The following COL4A2 variants were observed in gnomAD, a reference collection of about 807,000 sequenced individuals.
The protein encoded by COL4A2 is collagen alpha-2(IV) chain.
COL4A2 carries 99 observed loss-of-function variants against 200.2 expected under a neutral mutation model. That is an observed-to-expected ratio of 0.49 (90% CI 0.42 to 0.58). The LOEUF (loss-of-function observed/expected upper bound fraction) is 0.58. Among genes scored for constraint, COL4A2 ranks in the 20% least tolerant of loss-of-function variants. COL4A2 has a pLI of 0.00. For synonymous variants in COL4A2, 897 were observed against 900.6 expected, an observed-to-expected ratio of 1.00 and a Z score of 0.07; for missense variants, 1,950 against 2,314.1, an observed-to-expected ratio of 0.84 and a Z score of 3.23.
chr13:110,436,447 C>T, intron 13 of COL4A2, 80 bp downstream of exon 13: 2 of 1,509,428 alleles, frequency 1.3e-6, no homozygotes, highest in Non-Finnish European at 1.8e-6. Context: ...TGTATTCAAC[C>T]ACATTCCAAG....
chr13:110,358,547 T>C (rs770015652), intron 4 of COL4A2, among the ~76,000 whole-genome samples: 1 of 152,260 alleles, frequency 6.6e-6, no homozygotes, highest in Non-Finnish European at 1.5e-5. Context: ...ATACACTGCA[T>C]GTAACTGCAT....
chr13:110,436,018 C>T, intron 12 of COL4A2: 3 of 583,748 alleles, frequency 5.1e-6, no homozygotes, highest in Non-Finnish European at 6.2e-6. Context: ...GAAACAAATG[C>T]AGTCCAGAAT....
Position 110,480,396 on chromosome 13 carries a change from T to G in COL4A2, c.2758+6T>G. The G allele has an allele frequency of 6.2e-7, 1 of 1,607,034 alleles. No individual in the cohort carries two copies. Among genetic ancestry groups the G allele is most frequent in the Middle Eastern group, 1.7e-4 (1 of 6,018 alleles). On this transcript the variant is annotated splice_donor_region_variant and intron_variant, in intron 31 of 47. Coordinates refer to ENST00000360467, the MANE Select transcript of COL4A2 (RefSeq NM_001846.4). ...TGGGACCCCCGGGCTAAAAGGTAAT[T>G]GTGTGACTGTGACCAGGGATCCCTT...
intron 4 of COL4A2, among the ~76,000 whole-genome samples, chr13:110,359,009 T>A (rs186558422): frequency 6.6e-6 from 1 of 152,320 alleles, no homozygotes; most frequent in Non-Finnish European, 1.5e-5. Flanking sequence ...AGAAATGTCA[T>A]AAAAATATTC....
chr13:110,432,164 C>G (rs1248431933), intron 10 of COL4A2, among the ~76,000 whole-genome samples, 161 bp from the exon 11 acceptor site: 1 of 152,226 alleles, frequency 6.6e-6, no homozygotes, highest in Non-Finnish European at 1.5e-5. Context: ...CCCTCTCCCC[C>G]AGCATGTCAT....
chr13:110,493,872 G>A (rs563929161), intron 39 of COL4A2, among the ~76,000 whole-genome samples: 4 of 152,238 alleles, frequency 2.6e-5, no homozygotes, highest in South Asian at 4.1e-4. Context: ...GAGAGCACCC[G>A]CTCTCCCCTG....
chr13:110,454,384 C>T (rs912387091), intron 20 of COL4A2, among the ~76,000 whole-genome samples: 2 of 152,156 alleles, frequency 1.3e-5, no homozygotes, highest in African/African-American at 2.4e-5. Flanking sequence ...TTGTAAGGAG[C>T]GCCCACAATC....
chr13:110,495,258 C>T, intron 39 of COL4A2, 84 bp from the exon 40 acceptor site: 1 of 1,534,286 alleles, frequency 6.5e-7, no homozygotes, highest in South Asian at 1.1e-5. Flanking sequence ...GCTTTTGAGG[C>T]ACCCCAAGCT....
At chr13:110,420,768 A>T (rs1036519926) in intron 4 of COL4A2, among the ~76,000 whole-genome samples, 5 of 152,178 alleles carry the variant, frequency 3.3e-5, no homozygotes, top group Admixed American at 1.3e-4. Context: ...TAGATGCACC[A>T]CACTTCCTTA....
chr13:110,393,766 C>T (rs1842241652), intron 4 of COL4A2, among the ~76,000 whole-genome samples: 1 of 152,056 alleles, frequency 6.6e-6, no homozygotes, highest in Admixed American at 6.5e-5. Flanking sequence ...ATAATCCCGG[C>T]TACTCAGGAG....
chr13:110,434,031 A>G (rs1487448159), intron 11 of COL4A2, among the ~76,000 whole-genome samples: 1 of 152,214 alleles, frequency 6.6e-6, no homozygotes, highest in Non-Finnish European at 1.5e-5. Context: ...GCCAGAAGAA[A>G]AGACGAATCA....
chr13:110,501,915 C>A, intron 41 of COL4A2, 131 bp downstream of exon 41: 1 of 867,288 alleles, frequency 1.2e-6, no homozygotes, highest in Non-Finnish European at 1.8e-6. Context: ...GAGGCAGGAG[C>A]CATGATGGCT....
At chr13:110,418,516 A>G (rs1412682920) in intron 4 of COL4A2, among the ~76,000 whole-genome samples, 4 of 152,226 alleles carry the variant, frequency 2.6e-5, no homozygotes, top group Admixed American at 6.5e-5. Context: ...TTTGGAGTAA[A>G]TGTCTGTATA....
chr13:110,308,030 C>T, intron 2 of COL4A2, 39 bp from the exon 3 acceptor site: 1 of 1,611,772 alleles, frequency 6.2e-7, no homozygotes, highest in Non-Finnish European at 8.5e-7. Context: ...CAAGCCGGGC[C>T]CGCACGTTCA....
chr13:110,459,607 A>G (rs1881939072), intron 22 of COL4A2: 2 of 152,066 alleles, frequency 1.3e-5, no homozygotes, highest in African/African-American at 4.8e-5. Context: ...CTTAATGGGA[A>G]TGGGGTTTCT....
chr13:110,482,493 C>G, intron 31 of COL4A2, 23 bp from the exon 32 acceptor site: 1 of 1,610,958 alleles, frequency 6.2e-7, no homozygotes, highest in South Asian at 1.1e-5. Flanking sequence ...TCTAACCCAG[C>G]ACTTTTCTCT....
intron 20 of COL4A2, among the ~76,000 whole-genome samples, chr13:110,453,635 G>A (rs1160808348): frequency 6.6e-6 from 1 of 152,330 alleles, no homozygotes; most frequent in Admixed American, 6.5e-5. Context: ...GTCTTGCTTA[G>A]TAAATCCGTG....
intron 4 of COL4A2, among the ~76,000 whole-genome samples, chr13:110,392,342 G>A (rs181479897): frequency 8.5e-4 from 130 of 152,300 alleles, no homozygotes; most frequent in African/African-American, 3.0e-3. Flanking sequence ...AACGTAAATG[G>A]AGGAGGACTG....
At chr13:110,340,203 C>T (rs900274053) in intron 3 of COL4A2, among the ~76,000 whole-genome samples, 3 of 152,140 alleles carry the variant, frequency 2.0e-5, no homozygotes, top group South Asian at 2.1e-4. Context: ...CTGCAGCCTC[C>T]GCCTCCTGGG....
Sources: allele counts gnomAD v4.1 joint callset (sites outside exome capture counted in the v4.1 genomes callset), GRCh38; gene constraint gnomAD v4.1.1; transcripts MANE v1.5; gene names NCBI Gene and HGNC (gene_info 2026-07-23, HGNC 2026-07-21).